Variants in MYO10 observed in about 807,000 individuals in gnomAD.
The protein encoded by MYO10 is unconventional myosin-X.
In MYO10, 133 loss-of-function variants were observed where a neutral mutation model predicts 257.3. That is an observed-to-expected ratio of 0.52 (90% CI 0.45 to 0.60). The LOEUF (loss-of-function observed/expected upper bound fraction) is 0.60, where lower values mean the gene tolerates loss of function less well. Among genes scored for constraint, MYO10 ranks in the 20% least tolerant of loss-of-function variants. The pLI is 0.00. For missense variants in MYO10, 2,399 were observed against 2,635.7 expected (o/e 0.91, Z 1.97); for synonymous variants, 1,104 against 1,028.6 (o/e 1.07, Z -1.40).
Position 16,711,199 on chromosome 5 carries a change from T to C in MYO10, c.1976A>G (p.Tyr659Cys). ...TCTCACAGTCTCCAGCATCCCTGAG[T>C]ACCGCAGCTGGTTCAGCACAACCGC... ...DQAVVLNQLR[Y>C]SGMLETVRIR... Residue 659 changes from tyrosine to cysteine, a missense_variant, in exon 20 of 41, where the codon TAC becomes TGC. Coordinates refer to ENST00000513610, the MANE Select transcript of MYO10 (RefSeq NM_012334.3). 4.3e-6 allele frequency: 7 copies of C among 1,613,282 alleles called. No homozygotes were observed. The highest frequency in any genetic ancestry group is 5.9e-6 in the Non-Finnish European group (7 of 1,179,640).
intron 19 of MYO10, among the ~76,000 whole-genome samples, chr5:16,739,086 C>T (rs544996510): frequency 1.3e-5 from 2 of 150,114 alleles, no homozygotes; most frequent in East Asian, 2.0e-4. Context: ...ACTCCAGTGC[C>T]GAGGCAGGAG....
At chr5:16,761,600 C>G in intron 16 of MYO10, 54 bp from the exon 17 acceptor site, 1 of 1,279,654 alleles carries the variant, frequency 7.8e-7, no homozygotes, top group East Asian at 2.3e-5. Context: ...AGTTTCAGGT[C>G]ATAAGCAACT....
intron 17 of MYO10, among the ~76,000 whole-genome samples, chr5:16,759,763 C>T (rs953630974): frequency 6.6e-6 from 1 of 152,178 alleles, no homozygotes; most frequent in Admixed American, 6.5e-5. Context: ...GCTTTGACAG[C>T]ATGCTATGGT....
chr5:16,740,418 G>A (rs1739976288), intron 19 of MYO10, among the ~76,000 whole-genome samples: 1 of 152,118 alleles, frequency 6.6e-6, no homozygotes, highest in African/African-American at 2.4e-5. Context: ...TGCAGGTAGG[G>A]GAGGGAAGGG....
chr5:16,842,754 C>T (rs1164978469), intron 2 of MYO10, among the ~76,000 whole-genome samples: 1 of 151,868 alleles, frequency 6.6e-6, no homozygotes, highest in Non-Finnish European at 1.5e-5. Flanking sequence ...GCAAAAACCC[C>T]ATCTCTACAA....
chr5:16,689,704 C>A (rs1737406637), intron 28 of MYO10, 120 bp downstream of exon 28: 1 of 743,972 alleles, frequency 1.3e-6, no homozygotes, highest in South Asian at 1.8e-5. Context: ...CTTGGTTCTT[C>A]AAAAAAAGTC....
At chr5:16,671,631 A>G in intron 37 of MYO10, 89 bp from the exon 38 acceptor site, 4 of 1,491,790 alleles carry the variant, frequency 2.7e-6, no homozygotes, top group Non-Finnish European at 3.7e-6. Context: ...GGTGTATTCT[A>G]AGGACACAGA....
intron 26 of MYO10, among the ~76,000 whole-genome samples, 190 bp downstream of exon 26, chr5:16,699,260 C>G (rs1737911213): frequency 6.6e-6 from 1 of 152,124 alleles, no homozygotes. Flanking sequence ...ACCAACATGA[C>G]AAGGTGTCCC....
chr5:16,823,080 T>C (rs983065043), intron 2 of MYO10, among the ~76,000 whole-genome samples: 1 of 151,980 alleles, frequency 6.6e-6, no homozygotes, highest in Non-Finnish European at 1.5e-5. Context: ...GTCACCTCTA[T>C]GTGCAACAAT....
chr5:16,823,438 C>T (rs1195540821), intron 2 of MYO10, among the ~76,000 whole-genome samples: 1 of 21,218 alleles, frequency 4.7e-5, no homozygotes, highest in Non-Finnish European at 1.0e-4. Context: ...GGGCAAGACT[C>T]CATCTTGCGC....
intron 1 of MYO10, among the ~76,000 whole-genome samples, chr5:16,925,133 T>C (rs912209308): frequency 5.9e-5 from 9 of 151,900 alleles, no homozygotes; most frequent in Admixed American, 1.3e-4. Flanking sequence ...ACCCGGCCTA[T>C]CACTTACTAT....
intron 19 of MYO10, among the ~76,000 whole-genome samples, chr5:16,751,671 G>C (rs1740381092): frequency 6.8e-6 from 1 of 148,100 alleles, no homozygotes. Context: ...TTTTTTAGTA[G>C]AGACGAGGTT....
chr5:16,832,093 CA>C lies in MYO10; in HGVS notation c.121-13927del, dbSNP rs1561008380. Among the ~76,000 whole-genome samples, 211 of 152,206 alleles carry C rather than the reference CA, an allele frequency of 1.4e-3. 3 individuals are homozygous for C. In the South Asian group the frequency reaches 0.02, roughly 14 times the overall value. Reference sequence around the variant, plus strand: ...AACCAGGTAGCTGGGACTACAGGCGCATGCCACCACGCCCTGCTAATTTTTG... The same window carrying C: ...AACCAGGTAGCTGGGACTACAGGCGCTGCCACCACGCCCTGCTAATTTTTG... On this transcript the variant is annotated intron_variant, in intron 2 of 40. Coordinates refer to ENST00000513610, the MANE Select transcript of MYO10 (RefSeq NM_012334.3).
chr5:16,818,518 C>T (rs1742709323), intron 2 of MYO10, among the ~76,000 whole-genome samples: 1 of 151,522 alleles, frequency 6.6e-6, no homozygotes. Flanking sequence ...CTCACCGCAG[C>T]CTCCACCTCT....
At chr5:16,824,044 G>A (rs187163734) in intron 2 of MYO10, among the ~76,000 whole-genome samples, 7 of 152,260 alleles carry the variant, frequency 4.6e-5, no homozygotes, top group Admixed American at 2.0e-4. Context: ...CTGGATTGGC[G>A]TGGGGGCAGA....
At chr5:16,896,414 G>A (rs1037152264) in intron 1 of MYO10, among the ~76,000 whole-genome samples, 1 of 152,014 alleles carries the variant, frequency 6.6e-6, no homozygotes, top group African/African-American at 2.4e-5. Context: ...TGGCCAACAC[G>A]GTGAAACCCT....
At chr5:16,733,916 C>T (rs1428716404) in intron 19 of MYO10, among the ~76,000 whole-genome samples, 4 of 151,998 alleles carry the variant, frequency 2.6e-5, no homozygotes, top group Non-Finnish European at 4.4e-5. Flanking sequence ...CTGGGTGACT[C>T]GAACTGCTTA....
chr5:16,901,572 C>T (rs1042284168), intron 1 of MYO10, among the ~76,000 whole-genome samples: 2 of 152,192 alleles, frequency 1.3e-5, no homozygotes, highest in East Asian at 1.9e-4. Context: ...CTTACCTCTA[C>T]GGCATTTAAA....
intron 1 of MYO10, among the ~76,000 whole-genome samples, chr5:16,918,643 GGCATGCACCATCAC>G (rs1745895003): frequency 6.6e-6 from 1 of 151,534 alleles, no homozygotes; most frequent in African/African-American, 2.4e-5. Flanking sequence ...TGGGATCACA[GGCATGCACCATCAC>G]GCCTGGCTAA....
Sources: gnomAD v4.1 joint callset for allele counts (sites outside exome capture counted in the v4.1 genomes callset) on GRCh38, gnomAD v4.1.1 for gene constraint, MANE v1.5 for transcripts, NCBI Gene and HGNC (gene_info 2026-07-23, HGNC 2026-07-21) for gene names.